The following CHCHD3 variants were observed in gnomAD, a reference collection of about 807,000 sequenced individuals.
CHCHD3 encodes coiled-coil-helix-coiled-coil-helix domain containing 3, also known as MICOS complex subunit MIC19.
In CHCHD3, 20 loss-of-function variants were observed where a neutral mutation model predicts 38.2. The ratio of observed to expected loss-of-function variants is 0.52; its 90% CI spans 0.37 to 0.76. The LOEUF (loss-of-function observed/expected upper bound fraction) is 0.76. CHCHD3 is among the 30% of genes least tolerant of loss of function. CHCHD3 has a pLI of 0.00. For missense variants in CHCHD3, 245 were observed against 279.2 expected, an observed-to-expected ratio of 0.88 and a Z score of 0.87; for synonymous variants, 82 against 100.0, an observed-to-expected ratio of 0.82 and a Z score of 1.07.
At chr7:133,015,697 T>C (rs1454695684) in intron 3 of CHCHD3, among the ~76,000 whole-genome samples, 2 of 152,196 alleles carry the variant, frequency 1.3e-5, no homozygotes, top group African/African-American at 2.4e-5. Context: ...CAGACTTGGA[T>C]TCAAATCCGA....
chr7:133,023,369 C>T (rs1029197076), intron 3 of CHCHD3, among the ~76,000 whole-genome samples: 1 of 152,154 alleles, frequency 6.6e-6, no homozygotes, highest in Non-Finnish European at 1.5e-5. Flanking sequence ...TAATTTTTCA[C>T]AACCCTCATT....
At chr7:133,029,991 CCCTA>C (rs747357505) in intron 2 of CHCHD3, among the ~76,000 whole-genome samples, 84 of 151,188 alleles carry the variant, frequency 5.6e-4, no homozygotes, top group Non-Finnish European at 7.7e-4. Context: ...CTTTCTAATG[CCCTA>C]CCTATTTCCA....
At chr7:132,899,001 C>T (rs1809594686) in intron 4 of CHCHD3, among the ~76,000 whole-genome samples, 2 of 152,340 alleles carry the variant, frequency 1.3e-5, no homozygotes, top group South Asian at 2.1e-4. Flanking sequence ...CCACACCTCC[C>T]TACAAGCTGA....
At chr7:132,823,541 G>A (rs1172450910) in intron 6 of CHCHD3, among the ~76,000 whole-genome samples, 1 of 152,050 alleles carries the variant, frequency 6.6e-6, no homozygotes, top group Non-Finnish European at 1.5e-5. Context: ...TATCCTTTTC[G>A]CTACAGTAAG....
At chr7:133,069,082 G>A (rs1053851323) in intron 2 of CHCHD3, among the ~76,000 whole-genome samples, 11 of 152,002 alleles carry the variant, frequency 7.2e-5, no homozygotes, top group African/African-American at 2.7e-4. Flanking sequence ...TTGCAAGTAG[G>A]GTGAAAGGAA....
intron 3 of CHCHD3, among the ~76,000 whole-genome samples, chr7:132,990,945 CACACAT>C (rs909989863): frequency 1.8e-4 from 22 of 124,964 alleles, no homozygotes; most frequent in African/African-American, 6.9e-4. Context: ...CCTACACAGA[CACACAT>C]ACACACACAC....
rs1813286075 is a variant in CHCHD3, at chr7:133,024,658, A to G, written c.170-31T>C. 7 of 1,449,322 alleles carry G rather than the reference A, an allele frequency of 4.8e-6. No homozygotes were observed. In the East Asian group the frequency reaches 1.6e-4, roughly 33 times the overall value. The allele number at this position is 1,449,322 out of a possible 1,614,324, so 89.8% of individuals were successfully genotyped here. On this transcript the variant is annotated intron_variant, in intron 2 of 7. Coordinates refer to ENST00000262570, the MANE Select transcript of CHCHD3 (RefSeq NM_017812.4). Reference sequence around the variant, plus strand: ...ATCGATAAAGAGCAGAAGGAGATAAAATAGGTGACTTCTTAAAAATAAAAG... The same window carrying G: ...ATCGATAAAGAGCAGAAGGAGATAAGATAGGTGACTTCTTAAAAATAAAAG...
chr7:132,813,515 T>C (rs1388851884), intron 6 of CHCHD3: 3 of 152,196 alleles, frequency 2.0e-5, no homozygotes, highest in African/African-American at 7.2e-5. Context: ...TGAAGATTAG[T>C]AAGATAACGT....
chr7:133,070,449 C>A (rs895093638), intron 1 of CHCHD3, among the ~76,000 whole-genome samples: 1 of 152,156 alleles, frequency 6.6e-6, no homozygotes, highest in Non-Finnish European at 1.5e-5. Context: ...TAATGCACTG[C>A]TAATTGTTCA....
intron 3 of CHCHD3, among the ~76,000 whole-genome samples, chr7:133,017,100 T>C (rs1173495495): frequency 6.6e-6 from 1 of 152,150 alleles, no homozygotes; most frequent in Non-Finnish European, 1.5e-5. Flanking sequence ...GCCTGGGTCT[T>C]TAGGAAGGAA....
intron 2 of CHCHD3, among the ~76,000 whole-genome samples, chr7:133,041,367 C>T (rs536274819): frequency 1.3e-5 from 2 of 152,242 alleles, no homozygotes; most frequent in African/African-American, 4.8e-5. Context: ...ACTAAATTAC[C>T]TTTCCTACTC....
chr7:132,859,002 T>G (rs1808416725), intron 5 of CHCHD3, among the ~76,000 whole-genome samples: 1 of 152,126 alleles, frequency 6.6e-6, no homozygotes, highest in Admixed American at 6.5e-5. Context: ...CAGGGTCAAA[T>G]CCAAGCAGCC....
chr7:132,812,200 CTTTTTTTTT>C (rs71529779), intron 6 of CHCHD3, among the ~76,000 whole-genome samples: 1 of 81,076 alleles, frequency 1.2e-5, no homozygotes, highest in Non-Finnish European at 2.4e-5. Context: ...TTTTTCTTTT[CTTTTTTTTT>C]TTTTTTTTTT....
chr7:133,070,135 G>GCAATA lies in CHCHD3; in HGVS notation c.169+2_169+6dup. 1 of 1,599,356 alleles carries GCAATA rather than the reference G, an allele frequency of 6.3e-7. No homozygotes were observed. The highest frequency in any genetic ancestry group is 8.5e-7 in the Non-Finnish European group (1 of 1,175,480). On this transcript the variant is annotated splice_region_variant and intron_variant, in intron 2 of 7. Coordinates refer to ENST00000262570, the MANE Select transcript of CHCHD3 (RefSeq NM_017812.4). Reference sequence around the variant, plus strand: ...CTAAAAACCCTAAAATTAAAATTCAGCAATACCTGAGGCACCATAAGCACC... The same window carrying GCAATA: ...CTAAAAACCCTAAAATTAAAATTCAGCAATACAATACCTGAGGCACCATAAGCACC...
intron 3 of CHCHD3, 48 bp from the exon 4 acceptor site, chr7:132,975,334 G>T: frequency 7.0e-7 from 1 of 1,438,374 alleles, no homozygotes; most frequent in South Asian, 1.2e-5. Flanking sequence ...TTTATTAGTT[G>T]ACATTATTTT....
chr7:132,909,511 C>T (rs907893122), intron 4 of CHCHD3, among the ~76,000 whole-genome samples: 19 of 152,022 alleles, frequency 1.2e-4, no homozygotes, highest in African/African-American at 4.3e-4. Flanking sequence ...CAAAAAACAA[C>T]AACAACAGAA....
At chr7:132,992,780 CTTTT>C (rs542266437) in intron 3 of CHCHD3, among the ~76,000 whole-genome samples, 4 of 152,132 alleles carry the variant, frequency 2.6e-5, no homozygotes, top group Admixed American at 6.5e-5. Flanking sequence ...TTTAGAGTTA[CTTTT>C]TTTTGTTTGT....
intron 2 of CHCHD3, among the ~76,000 whole-genome samples, chr7:133,057,794 C>T (rs1361225431): frequency 6.6e-6 from 1 of 151,914 alleles, no homozygotes; most frequent in Non-Finnish European, 1.5e-5. Context: ...GTTTATCAAG[C>T]TTGAGCAAAA....
At chr7:133,002,770 C>A (rs1812606576) in intron 3 of CHCHD3, among the ~76,000 whole-genome samples, 1 of 152,130 alleles carries the variant, frequency 6.6e-6, no homozygotes, top group African/African-American at 2.4e-5. Context: ...ACTAAAATTG[C>A]TCTTCCATTT....
Sources: gnomAD v4.1 joint callset for allele counts (sites outside exome capture counted in the v4.1 genomes callset) on GRCh38, gnomAD v4.1.1 for gene constraint, MANE v1.5 for transcripts, NCBI Gene and HGNC (gene_info 2026-07-23, HGNC 2026-07-21) for gene names.